The following AGBL4 variants were observed in gnomAD, a reference collection of about 807,000 sequenced individuals.
AGBL4 encodes AGBL carboxypeptidase 4.
AGBL4 carries 58 observed loss-of-function variants against 66.4 expected under a neutral mutation model. That is an observed-to-expected ratio of 0.87 (90% confidence interval 0.71 to 1.09). The LOEUF (loss-of-function observed/expected upper bound fraction) is 1.09, where lower values mean the gene tolerates loss of function less well. AGBL4 is among the 50% of genes least tolerant of loss of function. The probability of loss-of-function intolerance (pLI) is 0.00; values close to 1 mark genes in which losing one functional copy is unlikely to be tolerated. For missense variants in AGBL4, 579 were observed against 631.0 expected (o/e 0.92, Z 0.88); for synonymous variants, 234 against 222.9 (o/e 1.05, Z -0.44).
intron 4 of AGBL4, among the ~76,000 whole-genome samples, chr1:49,204,024 G>A (rs534845608): frequency 6.6e-6 from 1 of 152,242 alleles, no homozygotes; most frequent in South Asian, 2.1e-4. Context: ...AGCATCATGG[G>A]AGAAAAGCAA....
At chr1:49,958,551 G>A (rs529080026) in intron 1 of AGBL4, among the ~76,000 whole-genome samples, 75 of 152,014 alleles carry the variant, frequency 4.9e-4, no homozygotes, top group African/African-American at 1.8e-3. Flanking sequence ...CTAGGGACAT[G>A]GATGAAGCTG....
intron 1 of AGBL4, among the ~76,000 whole-genome samples, chr1:49,949,312 G>A (rs1308083677): frequency 6.6e-6 from 1 of 151,874 alleles, no homozygotes; most frequent in Non-Finnish European, 1.5e-5. Context: ...CTTAGGCAAG[G>A]ATTTCATGAC....
chr1:49,347,715 C>T (rs1570487856), intron 3 of AGBL4, among the ~76,000 whole-genome samples: 1 of 151,544 alleles, frequency 6.6e-6, no homozygotes, highest in African/African-American at 2.4e-5. Flanking sequence ...AAAAAATTAG[C>T]CGGGCGTGGT....
intron 2 of AGBL4, among the ~76,000 whole-genome samples, chr1:49,776,955 G>C (rs1644212876): frequency 6.6e-6 from 1 of 151,978 alleles, no homozygotes; most frequent in Non-Finnish European, 1.5e-5. Flanking sequence ...TAACTGAAGA[G>C]GGAAAATAGC....
intron 5 of AGBL4, among the ~76,000 whole-genome samples, chr1:48,997,420 T>A (rs1368456478): frequency 6.6e-6 from 1 of 152,226 alleles, no homozygotes; most frequent in African/African-American, 2.4e-5. Flanking sequence ...TGGCTTCTTT[T>A]TTCTCTTTTA....
chr1:49,623,334 A>C (rs1645403839), intron 3 of AGBL4, among the ~76,000 whole-genome samples: 1 of 152,192 alleles, frequency 6.6e-6, no homozygotes, highest in South Asian at 2.1e-4. Context: ...ATTATAAGGA[A>C]ATTTTTACAA....
intron 5 of AGBL4, among the ~76,000 whole-genome samples, chr1:48,968,067 T>C (rs919869475): frequency 6.7e-6 from 1 of 149,892 alleles, no homozygotes; most frequent in South Asian, 2.1e-4. Flanking sequence ...GAGAGTAAAA[T>C]GTGAAAATCT....
intron 2 of AGBL4, among the ~76,000 whole-genome samples, chr1:49,712,596 A>G (rs184764707): frequency 3.8e-4 from 58 of 152,098 alleles, no homozygotes; most frequent in African/African-American, 1.3e-3. Flanking sequence ...AGTAGATTTT[A>G]GTAGCTCTTA....
Position 48,947,191 on chromosome 1 carries a change from G to T in AGBL4, c.595-79961C>A, listed in dbSNP as rs564835044. ...AGAAAAGCCTTTCCTGATGCTCCAGGTTAGGTTAGGCCTCCCCTTGTATGT... is the reference window on the plus strand; with the variant it reads ...AGAAAAGCCTTTCCTGATGCTCCAGTTTAGGTTAGGCCTCCCCTTGTATGT... On this transcript the variant is annotated intron_variant, in intron 5 of 13. Transcript: ENST00000371839. 3.1e-3 allele frequency among the ~76,000 whole-genome samples: 475 copies of T among 152,278 alleles called. 4 individuals carry two copies. Among genetic ancestry groups the T allele is most frequent in the African/African-American group, 0.011 (465 of 41,560 alleles).
chr1:49,787,452 G>A lies in AGBL4; in HGVS notation c.157+63944C>T, dbSNP rs58003054. Among the ~76,000 whole-genome samples, 212 of 149,634 alleles carry A rather than the reference G, an allele frequency of 1.4e-3. 8 individuals carry two copies. The East Asian group carries it at 0.039, about 28-fold the overall frequency. On this transcript the variant is annotated intron_variant, in intron 2 of 13. Coordinates refer to ENST00000371839, the MANE Select transcript of AGBL4 (RefSeq NM_032785.4). ...TGGGAGGCGGAGCTTGCAGCGAGCC[G>A]AGATCAAGCCACTGCACTCCAGCCT...
At chr1:48,754,980 C>T (rs1652322532) in intron 6 of AGBL4, among the ~76,000 whole-genome samples, 2 of 152,176 alleles carry the variant, frequency 1.3e-5, no homozygotes, top group South Asian at 4.1e-4. Flanking sequence ...AGTCTATAGC[C>T]TAAGTTCTTT....
At chr1:49,447,204 T>C (rs1176898659) in intron 3 of AGBL4, among the ~76,000 whole-genome samples, 4 of 152,182 alleles carry the variant, frequency 2.6e-5, no homozygotes, top group African/African-American at 9.6e-5. Context: ...AGTACAAAGT[T>C]TGTGCCACTG....
chr1:48,670,229 G>A (rs1646255605), intron 6 of AGBL4, among the ~76,000 whole-genome samples: 1 of 152,180 alleles, frequency 6.6e-6, no homozygotes, highest in Admixed American at 6.5e-5. Context: ...GGGTGCCTCT[G>A]ACTTACAGGA....
intron 2 of AGBL4, among the ~76,000 whole-genome samples, chr1:49,832,990 T>G (rs1045798169): frequency 2.6e-5 from 4 of 152,074 alleles, no homozygotes; most frequent in South Asian, 2.1e-4. Context: ...AGAAGCTCTT[T>G]AGTTTAATTA....
chr1:49,220,318 A>G (rs895992524), intron 4 of AGBL4, among the ~76,000 whole-genome samples: 2 of 152,134 alleles, frequency 1.3e-5, no homozygotes, highest in Admixed American at 6.6e-5. Flanking sequence ...TTCCATCAGT[A>G]TGTAATGGAA....
intron 1 of AGBL4, among the ~76,000 whole-genome samples, chr1:50,017,862 T>G (rs947050218): frequency 1.6e-4 from 25 of 152,072 alleles, no homozygotes; most frequent in Admixed American, 1.5e-3. Flanking sequence ...AACAAACCTG[T>G]GTATGTACCC....
At chr1:49,901,319 G>A (rs763365113) in intron 1 of AGBL4, among the ~76,000 whole-genome samples, 1 of 152,042 alleles carries the variant, frequency 6.6e-6, no homozygotes, top group Non-Finnish European at 1.5e-5. Flanking sequence ...AAAGCTCCTT[G>A]GTCTGATAAA....
intron 6 of AGBL4, chr1:48,761,555 A>G: frequency 4.4e-6 from 6 of 1,375,200 alleles, no homozygotes; most frequent in South Asian, 1.4e-5. Context: ...CTCAAATGCT[A>G]GAAAATAATT....
intron 1 of AGBL4, among the ~76,000 whole-genome samples, chr1:49,970,968 T>G (rs1031471184): frequency 1.3e-5 from 2 of 152,282 alleles, no homozygotes; most frequent in Non-Finnish European, 2.9e-5. Flanking sequence ...TTATTTGCCT[T>G]TTATCTCCTT....
Sources: allele counts gnomAD v4.1 joint callset (sites outside exome capture counted in the v4.1 genomes callset), GRCh38; gene constraint gnomAD v4.1.1; transcripts MANE v1.5; gene names NCBI Gene and HGNC (gene_info 2026-07-23, HGNC 2026-07-21).